Variants in MAP3K1 observed in about 807,000 individuals in gnomAD.
MAP3K1 encodes the protein mitogen-activated protein kinase kinase kinase 1.
Under a neutral mutation model 144.2 loss-of-function variants are expected in MAP3K1, and 36 were observed. The ratio of observed to expected loss-of-function variants is 0.25; its 90% confidence interval spans 0.19 to 0.33. The LOEUF (loss-of-function observed/expected upper bound fraction) is 0.33, where lower values mean the gene tolerates loss of function less well. Among genes scored for constraint, MAP3K1 ranks in the 10% least tolerant of loss-of-function variants. The probability of loss-of-function intolerance (pLI) is 1.00; values close to 1 mark genes in which losing one functional copy is unlikely to be tolerated. For missense variants in MAP3K1, 1,650 were observed against 1,881.9 expected, an observed-to-expected ratio of 0.88 and a Z score of 2.28; for synonymous variants, 718 against 688.7, an observed-to-expected ratio of 1.04 and a Z score of -0.67.
At position 56,865,934 on chromosome 5, in the gene MAP3K1, A is replaced by G. The variant is rs1299360418; in HGVS notation, c.1258A>G (p.Thr420Ala). ...TGTTTCACGCATGTCAAATTCTCAT[A>G]CATTGTCATCATCTAGTACTTCTAC... is the stretch of plus-strand genomic sequence containing the variant. The part of the protein sequence containing the change: ...KFVSRMSNSH[T>A]LSSSSTSTSS... Residue 420 changes from threonine to alanine, a missense_variant, in exon 6 of 20, where the codon ACA becomes GCA. Physicochemically the swap from Thr to Ala is moderately conservative, Grantham distance 58 (BLOSUM62 0). Coordinates refer to ENST00000399503, the MANE Select transcript of MAP3K1 (RefSeq NM_005921.2). The G allele has an allele frequency of 1.2e-6, 2 of 1,612,710 alleles. No homozygotes were observed. The highest frequency in any genetic ancestry group is 2.2e-5 in the South Asian group (2 of 91,058).
chr5:56,875,006 G>T, intron 9 of MAP3K1, 26 bp from the exon 10 acceptor site: 1 of 1,613,422 alleles, frequency 6.2e-7, no homozygotes, highest in South Asian at 1.1e-5. Flanking sequence ...TCTTTACATT[G>T]AATTCATCGT....
At position 56,864,854 on chromosome 5, in the gene MAP3K1, C is replaced by T. The variant is rs1373266758; in HGVS notation, c.955C>T (p.Leu319=). 1.2e-6 allele frequency: 2 copies of T among 1,614,098 alleles called. No individual in the cohort carries two copies. The highest frequency in any genetic ancestry group is 4.5e-5 in the East Asian group (2 of 44,866). The change falls in exon 4 of 20, where the codon CTG becomes TTG. Residue 319 remains leucine, a synonymous_variant. Coordinates refer to ENST00000399503, the MANE Select transcript of MAP3K1 (RefSeq NM_005921.2). ...NKVMRARLYL[L]QQIGPNSFLI... is the part of the protein sequence containing the mutation. Reference sequence around the variant, plus strand: ...AGTGATGCGGGCCAGACTGTACTTACTGCAGCAGATAGGGCCTAACTCTTT... The same window carrying T: ...AGTGATGCGGGCCAGACTGTACTTATTGCAGCAGATAGGGCCTAACTCTTT...
Position 56,895,370 on chromosome 5 carries a change from T to TG in MAP3K1, c.*1690_*1691insG. On this transcript the variant is annotated 3_prime_UTR_variant, in exon 20 of 20. Coordinates refer to ENST00000399503, the MANE Select transcript of MAP3K1 (RefSeq NM_005921.2). ...CTTGACTTTCTTTTTTATTTTGTTT[T>TG]TTTTTTTTTTTGACTACTTAGAATT... The TG allele has an allele frequency of 4.4e-6, 1 of 228,724 alleles. No individual in the cohort carries two copies. Among genetic ancestry groups the TG allele is most frequent in the South Asian group, 1.8e-4 (1 of 5,452 alleles). The allele number at this position is 228,724 out of a possible 1,614,324, so 14.2% of individuals were successfully genotyped here.
At chr5:56,839,503 C>A (rs984268992) in intron 1 of MAP3K1, among the ~76,000 whole-genome samples, 2 of 152,144 alleles carry the variant, frequency 1.3e-5, no homozygotes, top group Non-Finnish European at 2.9e-5. Context: ...GGTATATTAA[C>A]CAATGGTTAG....
chr5:56,887,701 C>G, intron 18 of MAP3K1, 181 bp downstream of exon 18: 1 of 670,124 alleles, frequency 1.5e-6, no homozygotes. Flanking sequence ...TTTGCCTTGG[C>G]AATATTCAAA....
chr5:56,847,047 C>T (rs1366219449), intron 1 of MAP3K1, among the ~76,000 whole-genome samples: 1 of 152,216 alleles, frequency 6.6e-6, no homozygotes, highest in South Asian at 2.1e-4. Context: ...CAAGCTTTTA[C>T]ACTACTGCCT....
At chr5:56,854,232 G>C (rs1052035895) in intron 1 of MAP3K1, among the ~76,000 whole-genome samples, 1 of 151,790 alleles carries the variant, frequency 6.6e-6, no homozygotes, top group African/African-American at 2.4e-5. Context: ...TCAGGAGTTC[G>C]AGACCAGCCT....
chr5:56,862,466 T>C (rs1023334175), intron 3 of MAP3K1, among the ~76,000 whole-genome samples: 1 of 152,168 alleles, frequency 6.6e-6, no homozygotes, highest in Non-Finnish European at 1.5e-5. Flanking sequence ...AACAGAACTG[T>C]CTTCCTTCCC....
At chr5:56,829,597 T>C (rs144420218) in intron 1 of MAP3K1, among the ~76,000 whole-genome samples, 42 of 152,342 alleles carry the variant, frequency 2.8e-4, no homozygotes, top group Non-Finnish European at 1.8e-4. Flanking sequence ...TAGTAAAGAA[T>C]GCTTGATCCT....
At chr5:56,854,920 T>C (rs1003261425) in intron 1 of MAP3K1, among the ~76,000 whole-genome samples, 3 of 152,140 alleles carry the variant, frequency 2.0e-5, no homozygotes, top group African/African-American at 4.8e-5. Context: ...TCTTGCAACA[T>C]TGTTACTGGA....
chr5:56,882,978 C>T (rs1748272250), intron 14 of MAP3K1, 112 bp downstream of exon 14: 5 of 844,776 alleles, frequency 5.9e-6, no homozygotes. Context: ...TGCTTGAGCA[C>T]AGGAGTTCGA....
At chr5:56,829,978 G>A (rs1746437397) in intron 1 of MAP3K1, among the ~76,000 whole-genome samples, 1 of 152,076 alleles carries the variant, frequency 6.6e-6, no homozygotes, top group Non-Finnish European at 1.5e-5. Flanking sequence ...CCCTTTTTGA[G>A]CTCAGGTCCA....
At chr5:56,864,476 A>G (rs1268223560) in intron 3 of MAP3K1, among the ~76,000 whole-genome samples, 2 of 151,600 alleles carry the variant, frequency 1.3e-5, no homozygotes, top group East Asian at 1.9e-4. Context: ...CCCAGGTTCA[A>G]GTGATTCTCC....
chr5:56,888,165 C>A lies in MAP3K1; in HGVS notation c.4258-61C>A, dbSNP rs1748442836. The A allele has an allele frequency of 7.3e-6, 11 of 1,503,454 alleles. 1 individual carries two copies. In the East Asian group the frequency reaches 2.5e-4, roughly 34 times the overall value. The allele number at this position is 1,503,454 out of a possible 1,614,324, so 93.1% of individuals were successfully genotyped here. A position where few individuals can be genotyped will look rare whatever the true frequency, so the allele number is the denominator to read the frequency against. On this transcript the variant is annotated intron_variant, in intron 18 of 19. Transcript: ENST00000399503. Reference sequence around the variant, plus strand: ...AGTAAGGAAGTAGAATCTATAACTACAAAATGGCCTTCTCTTTTTCAAATG... The same window carrying A: ...AGTAAGGAAGTAGAATCTATAACTAAAAAATGGCCTTCTCTTTTTCAAATG...
At chr5:56,818,452 A>G (rs1746050661) in intron 1 of MAP3K1, among the ~76,000 whole-genome samples, 2 of 151,878 alleles carry the variant, frequency 1.3e-5, no homozygotes, top group Admixed American at 1.3e-4. Context: ...CTTTTTTTTA[A>G]TTTTAGAATT....
rs1330703724 is a variant in MAP3K1 at position 56,875,327 on chromosome 5, C to T, written c.1965+17C>T. ...GCTGCTTTAGTAAGTAGCTTTATTC[C>T]ATAATCATATCATTATGGGTTTGGG... On this transcript the variant is annotated intron_variant, in intron 10 of 19. Transcript: ENST00000399503. 1.2e-6 allele frequency: 2 copies of T among 1,613,002 alleles called. No individual in the cohort carries two copies. Among genetic ancestry groups the T allele is most frequent in the South Asian group, 2.2e-5 (2 of 91,012 alleles).
chr5:56,821,771 A>G (rs542454882), intron 1 of MAP3K1, among the ~76,000 whole-genome samples: 18 of 152,342 alleles, frequency 1.2e-4, no homozygotes, highest in Admixed American at 4.6e-4. Flanking sequence ...TGAATACTAA[A>G]CATCAGTTGT....
At chr5:56,829,812 T>G (rs979998693) in intron 1 of MAP3K1, among the ~76,000 whole-genome samples, 5 of 152,202 alleles carry the variant, frequency 3.3e-5, no homozygotes, top group African/African-American at 4.8e-5. Flanking sequence ...GTAGGTTTTG[T>G]TACCAGTAAA....
chr5:56,882,811 T>C lies in MAP3K1; in HGVS notation c.3611T>C (p.Ile1204Thr), dbSNP rs866396194. Residue 1204 changes from isoleucine to threonine, a missense_variant, in exon 14 of 20, where the codon ATA (isoleucine) becomes ACA (threonine). This residue lies in a region of MAP3K1 where 841 missense variants were observed against 886.5 expected (regional missense o/e 0.95). Transcript: ENST00000399503. The stretch of plus-strand genomic sequence containing the variant: ...TCAGCGTCTCAGGATGCCCTCCCCA[T>C]AGTTCCTCAGCTGCAGGTTGAAAAT... ...AMSASQDALP[I>T]VPQLQVENGE... 2 of 1,612,640 alleles carry C rather than the reference T, an allele frequency of 1.2e-6. No homozygotes were observed. Among genetic ancestry groups the C allele is most frequent in the Middle Eastern group, 1.7e-4 (1 of 6,054 alleles).
Sources: allele counts gnomAD v4.1 joint callset (sites outside exome capture counted in the v4.1 genomes callset), GRCh38; gene constraint gnomAD v4.1.1; regional missense constraint gnomAD v4.1.1; transcripts MANE v1.5; gene names NCBI Gene and HGNC (gene_info 2026-07-23, HGNC 2026-07-21).